CSMD2: variants seen among roughly 807,000 people sequenced by gnomAD.
The protein encoded by CSMD2 is CUB and sushi domain-containing protein 2.
Under a neutral mutation model 398.5 loss-of-function variants are expected in CSMD2, and 130 were observed. That is an observed-to-expected ratio of 0.33 (90% CI 0.28 to 0.38). The LOEUF is 0.38. Among genes scored for constraint, CSMD2 ranks in the 10% least tolerant of loss-of-function variants. The pLI is 1.00. For synonymous variants in CSMD2, 1,828 were observed against 1,908.5 expected (o/e 0.96, Z 1.10); for missense variants, 3,829 against 4,764.9 (o/e 0.80, Z 5.78).
rs139796109 is a variant in CSMD2 at position 33,880,550 on chromosome 1, G to A, written c.921-33554C>T. On this transcript the variant is annotated intron_variant, in intron 5 of 70. Transcript: ENST00000373381. Reference sequence around the variant, plus strand: ...TTACATTAAAGTGTGACCCACATATGAGAAAAGACTGCGCTCTTCACTTAC... The same window carrying A: ...TTACATTAAAGTGTGACCCACATATAAGAAAAGACTGCGCTCTTCACTTAC... Among the ~76,000 whole-genome samples the A allele has an allele frequency of 2.8e-3, 419 of 152,320 alleles. 3 individuals are homozygous for A. Among genetic ancestry groups the A allele is most frequent in the Non-Finnish European group, 4.6e-3 (313 of 68,024 alleles).
At chr1:33,587,052 T>C in intron 45 of CSMD2, 36 bp downstream of exon 45, 1 of 1,526,602 alleles carries the variant, frequency 6.6e-7, no homozygotes, top group Non-Finnish European at 8.9e-7. Flanking sequence ...TCCCCAGTCC[T>C]GGGTTCACAG....
At chr1:33,522,944 T>G (rs1415814665) in intron 67 of CSMD2, among the ~76,000 whole-genome samples, 1 of 152,220 alleles carries the variant, frequency 6.6e-6, no homozygotes, top group Admixed American at 6.5e-5. Context: ...AGAAGTTCAA[T>G]GTAGTCATGT....
chr1:33,829,325 C>G (rs971623836), intron 6 of CSMD2, among the ~76,000 whole-genome samples: 1 of 152,226 alleles, frequency 6.6e-6, no homozygotes, highest in African/African-American at 2.4e-5. Flanking sequence ...AGATCCACAT[C>G]ACCAGGAACA....
chr1:33,807,314 G>C (rs898985752), intron 10 of CSMD2, among the ~76,000 whole-genome samples: 1 of 152,078 alleles, frequency 6.6e-6, no homozygotes. Flanking sequence ...TTACAGACTG[G>C]GTGACAGGAT....
intron 1 of CSMD2, among the ~76,000 whole-genome samples, chr1:34,157,124 C>T (rs111752512): frequency 0.032 from 4,882 of 152,242 alleles, 113 homozygotes; most frequent in Non-Finnish European, 0.052. Context: ...CTCCCAGGGT[C>T]TCCCTGAAGA....
intron 23 of CSMD2, 79 bp downstream of exon 23, chr1:33,700,438 G>C: frequency 6.7e-7 from 1 of 1,491,740 alleles, no homozygotes; most frequent in Non-Finnish European, 9.2e-7. Context: ...TGTATCTCGT[G>C]AGCAAGCAGA....
At chr1:33,740,453 C>A (rs530725761) in intron 14 of CSMD2, among the ~76,000 whole-genome samples, 87 of 152,286 alleles carry the variant, frequency 5.7e-4, no homozygotes, top group Middle Eastern at 3.4e-3. Flanking sequence ...AACATTTGCA[C>A]ATTCAGAAAC....
At chr1:33,554,185 C>CTTTTTT (rs397860875) in intron 55 of CSMD2, among the ~76,000 whole-genome samples, 7 of 74,382 alleles carry the variant, frequency 9.4e-5, no homozygotes, top group African/African-American at 2.7e-4. Flanking sequence ...AAAAAACAGC[C>CTTTTTT]TTTTTTTTTT....
intron 12 of CSMD2, among the ~76,000 whole-genome samples, chr1:33,780,143 A>T (rs1652532622): frequency 6.6e-6 from 1 of 152,112 alleles, no homozygotes; most frequent in South Asian, 2.1e-4. Context: ...CAGGGGTCGC[A>T]TCCCTTCCAC....
intron 3 of CSMD2, among the ~76,000 whole-genome samples, chr1:33,979,168 T>C (rs1213401289): frequency 1.3e-5 from 2 of 152,188 alleles, no homozygotes; most frequent in African/African-American, 4.8e-5. Flanking sequence ...TCTGAGGTTC[T>C]CCTTGCCCAC....
At chr1:33,625,578 G>A (rs193215939) in intron 33 of CSMD2, among the ~76,000 whole-genome samples, 1 of 152,268 alleles carries the variant, frequency 6.6e-6, no homozygotes, top group East Asian at 1.9e-4. Context: ...CTAGCAAGGA[G>A]AATGGGCCTT....
At chr1:34,057,411 G>A (rs1653958646) in intron 2 of CSMD2, among the ~76,000 whole-genome samples, 3 of 152,144 alleles carry the variant, frequency 2.0e-5, no homozygotes, top group African/African-American at 7.2e-5. Context: ...TTTCTATGCT[G>A]TTTCCTGCAG....
intron 10 of CSMD2, among the ~76,000 whole-genome samples, chr1:33,805,781 G>A (rs1430915441): frequency 1.3e-5 from 2 of 152,048 alleles, no homozygotes; most frequent in African/African-American, 2.4e-5. Context: ...GGCCATTTAC[G>A]AGCCAGGATG....
chr1:33,892,488 C>T (rs1017834710), intron 5 of CSMD2, among the ~76,000 whole-genome samples: 2 of 152,104 alleles, frequency 1.3e-5, no homozygotes, highest in African/African-American at 4.8e-5. Context: ...TCTTCTCCTC[C>T]AAGTCCCCAA....
intron 13 of CSMD2, among the ~76,000 whole-genome samples, chr1:33,760,571 G>A (rs1649697463): frequency 6.6e-6 from 1 of 152,196 alleles, no homozygotes; most frequent in Non-Finnish European, 1.5e-5. Flanking sequence ...TCACTTATTA[G>A]CTGTACGCAT....
At chr1:33,909,642 G>C (rs1051078961) in intron 5 of CSMD2, among the ~76,000 whole-genome samples, 1 of 152,080 alleles carries the variant, frequency 6.6e-6, no homozygotes, top group African/African-American at 2.4e-5. Context: ...AAGATGAAAT[G>C]GTAAGATGAC....
At chr1:34,125,132 C>G (rs1311727959) in intron 1 of CSMD2, among the ~76,000 whole-genome samples, 1 of 152,154 alleles carries the variant, frequency 6.6e-6, no homozygotes, top group Non-Finnish European at 1.5e-5. Context: ...TGACAAATCC[C>G]TCTATAGTGG....
At chr1:34,007,585 A>G (rs1647100321) in intron 3 of CSMD2, among the ~76,000 whole-genome samples, 1 of 152,230 alleles carries the variant, frequency 6.6e-6, no homozygotes, top group Non-Finnish European at 1.5e-5. Flanking sequence ...TGAAATGGCC[A>G]TGCCCTTATA....
intron 1 of CSMD2, among the ~76,000 whole-genome samples, chr1:34,092,656 C>T (rs940193208): frequency 6.6e-6 from 1 of 152,138 alleles, no homozygotes; most frequent in African/African-American, 2.4e-5. Context: ...CGGACGGCAC[C>T]TGGAGAATCG....
Sources: gnomAD v4.1 joint callset for allele counts (sites outside exome capture counted in the v4.1 genomes callset) on GRCh38, gnomAD v4.1.1 for gene constraint, MANE v1.5 for transcripts, NCBI Gene and HGNC (gene_info 2026-07-23, HGNC 2026-07-21) for gene names.